The following ZNF605 variants were observed in gnomAD, a reference collection of about 807,000 sequenced individuals.
ZNF605 encodes the protein zinc finger protein 605.
In ZNF605, 9 loss-of-function variants were observed where a neutral mutation model predicts 7.9. The observed-to-expected ratio is 1.14, with a 90% CI of 0.68 to 1.98. ZNF605 has a LOEUF of 1.98. Ranked by LOEUF, ZNF605 falls within the 30% of genes most tolerant of loss-of-function variation. The probability of loss-of-function intolerance (pLI) is 0.00; values close to 1 mark genes in which losing one functional copy is unlikely to be tolerated. For missense variants in ZNF605, 673 were observed against 762.4 expected, an observed-to-expected ratio of 0.88 and a Z score of 1.38; for synonymous variants, 255 against 260.1, an observed-to-expected ratio of 0.98 and a Z score of 0.19.
intron 3 of ZNF605, among the ~76,000 whole-genome samples, chr12:132,942,796 A>C (rs1952456345): frequency 6.6e-6 from 1 of 152,106 alleles, no homozygotes. Flanking sequence ...ATTCACACAG[A>C]TTCTTCTGTC....
At chr12:132,938,842 T>C (rs1952396877) in intron 3 of ZNF605, among the ~76,000 whole-genome samples, 2 of 151,734 alleles carry the variant, frequency 1.3e-5, no homozygotes, top group African/African-American at 2.4e-5. Context: ...GGCGCCGCAC[T>C]CGGAGCAGCC....
At chr12:132,946,226 G>C (rs1444739015) in intron 2 of ZNF605, among the ~76,000 whole-genome samples, 1 of 139,142 alleles carries the variant, frequency 7.2e-6, no homozygotes, top group Non-Finnish European at 1.6e-5. Flanking sequence ...AAGTGCTACA[G>C]AGTAAAACAC....
chr12:132,921,142 A>C lies in ZNF605; in HGVS notation c.*4231T>G, dbSNP rs568748834. The stretch of plus-strand genomic sequence containing the variant: ...GCACCCAGCCTCTCATGGCTAATTA[A>C]ATTTTTTTTTTGTAGAGATGAGTCT... On this transcript the variant is annotated 3_prime_UTR_variant, in exon 5 of 5. Transcript: ENST00000360187. The C allele has an allele frequency of 1.4e-5, 2 of 145,548 alleles. No homozygotes were observed. The highest frequency in any genetic ancestry group is 3.9e-4 in the East Asian group (2 of 5,082). The allele number at this position is 145,548 out of a possible 1,614,324, so 9.0% of individuals were successfully genotyped here. A position where few individuals can be genotyped will look rare whatever the true frequency, so the allele number is the denominator to read the frequency against.
intron 1 of ZNF605, among the ~76,000 whole-genome samples, chr12:132,955,103 G>A (rs1312582014): frequency 7.2e-5 from 11 of 152,256 alleles, no homozygotes; most frequent in African/African-American, 2.6e-4. Context: ...TTGGAAGTGG[G>A]GAAAAAAAGA....
chr12:132,945,718 T>C lies in ZNF605; in HGVS notation c.-83A>G. 6.3e-7 allele frequency: 1 copy of C among 1,591,548 alleles called. No individual in the cohort carries two copies. Among genetic ancestry groups the C allele is most frequent in the Non-Finnish European group, 8.6e-7 (1 of 1,159,378 alleles). Reference sequence around the variant, plus strand: ...GGAGTGGCCTCTGGTCAGTGGTCTGTAAACTGAGAATACATCCTTGGTCTT... The same window carrying C: ...GGAGTGGCCTCTGGTCAGTGGTCTGCAAACTGAGAATACATCCTTGGTCTT... On this transcript the variant is annotated 5_prime_UTR_variant, in exon 3 of 5. Transcript: ENST00000360187.
chr12:132,920,375 G>C lies in ZNF605; in HGVS notation c.*4998C>G, dbSNP rs974389805. The C allele has an allele frequency of 1.3e-5, 2 of 151,936 alleles. No individual in the cohort carries two copies. Among genetic ancestry groups the C allele is most frequent in the Non-Finnish European group, 2.9e-5 (2 of 67,962 alleles). 9.4% of individuals were successfully genotyped at this position (151,936 alleles called of 1,614,324 possible). On this transcript the variant is annotated 3_prime_UTR_variant, in exon 5 of 5. Transcript: ENST00000360187. ...AGGATGGTCTCGATCTCCTGACCTCGTGATCCACCCGCCTTGGCCTCCCAA... is the reference window on the plus strand; with the variant it reads ...AGGATGGTCTCGATCTCCTGACCTCCTGATCCACCCGCCTTGGCCTCCCAA...
chr12:132,929,944 AAAAT>A (rs146974268), intron 4 of ZNF605, among the ~76,000 whole-genome samples: 1,563 of 152,348 alleles, frequency 0.01, 20 homozygotes, highest in Non-Finnish European at 0.017. Context: ...ACTCCGTCTC[AAAAT>A]AAATAAATAA....
In ZNF605 at chr12:132,919,851, T is replaced by C. The variant is rs1009929967; in HGVS notation, c.*5522A>G. On this transcript the variant is annotated 3_prime_UTR_variant, in exon 5 of 5. Coordinates refer to ENST00000360187, the MANE Select transcript of ZNF605 (RefSeq NM_183238.4). Reference sequence around the variant, plus strand: ...AAGTTTGGTGTTCCCTGTTTTTTTGTGTGTGTGTGTGATGGAGTCTTGCTC... The same window carrying C: ...AAGTTTGGTGTTCCCTGTTTTTTTGCGTGTGTGTGTGATGGAGTCTTGCTC... 2 of 150,342 alleles carry C rather than the reference T, an allele frequency of 1.3e-5. No homozygotes were observed. The highest frequency in any genetic ancestry group is 5.0e-5 in the African/African-American group (2 of 39,908). 9.3% of individuals were successfully genotyped at this position (150,342 alleles called of 1,614,324 possible). A position where few individuals can be genotyped will look rare whatever the true frequency, so the allele number is the denominator to read the frequency against.
chr12:132,932,968 C>A, intron 4 of ZNF605, 67 bp downstream of exon 4: 2 of 1,506,322 alleles, frequency 1.3e-6, no homozygotes, highest in Admixed American at 2.2e-5. Context: ...AACTTACATC[C>A]AAAATAAACA....
At chr12:132,954,295 C>A (rs1952607097) in intron 1 of ZNF605, among the ~76,000 whole-genome samples, 1 of 142,652 alleles carries the variant, frequency 7.0e-6, no homozygotes, top group Admixed American at 7.2e-5. Context: ...AACTCTGAGT[C>A]CCAAAGGATC....
Position 132,945,748 on chromosome 12 carries a change from G to T in ZNF605, c.-113C>A. The T allele has an allele frequency of 1.4e-6, 2 of 1,479,042 alleles. No homozygotes were observed. The highest frequency in any genetic ancestry group is 1.9e-6 in the Non-Finnish European group (2 of 1,057,760). The allele number at this position is 1,479,042 out of a possible 1,614,324, so 91.6% of individuals were successfully genotyped here. On this transcript the variant is annotated 5_prime_UTR_variant, in exon 3 of 5. Coordinates refer to ENST00000360187, the MANE Select transcript of ZNF605 (RefSeq NM_183238.4). ...TGAGAATACATCCTTGGTCTTGTGG[G>T]CTCTTCTTTCTTATCTCACATGAAT...
rs1952214593 is a variant in ZNF605 at position 132,922,560 on chromosome 12, AT to A, written c.*2812del. 1 of 152,258 alleles carries A rather than the reference AT, an allele frequency of 6.6e-6. No individual in the cohort carries two copies. Among genetic ancestry groups the A allele is most frequent in the Non-Finnish European group, 1.5e-5 (1 of 68,046 alleles). The allele number at this position is 152,258 out of a possible 1,614,324, so 9.4% of individuals were successfully genotyped here. On this transcript the variant is annotated 3_prime_UTR_variant, in exon 5 of 5. Coordinates refer to ENST00000360187, the MANE Select transcript of ZNF605 (RefSeq NM_183238.4). ...CTTGTACTGATAACTGATTATCACA[AT>A]TTTATTAAATGCTCATCATTTAACA...
In ZNF605 at chr12:132,941,013, G is replaced by A. The variant is rs1346385395; in HGVS notation, c.15+4608C>T. Among the ~76,000 whole-genome samples the A allele has an allele frequency of 8.5e-5, 13 of 152,090 alleles. No homozygotes were observed. The highest frequency in any genetic ancestry group is 4.1e-4 in the South Asian group (2 of 4,822). On this transcript the variant is annotated intron_variant, in intron 3 of 4. Transcript: ENST00000360187. This position sits in a 1 kb window ranked among gnomAD's most constrained non-coding sequence, Gnocchi z 5.1. ...GAACATTTGGTTTTCTGTTCCTGAG[G>A]ATGAGACATTTAGATAAAAATCAGT...
chr12:132,920,712 T>A lies in ZNF605; in HGVS notation c.*4661A>T, dbSNP rs1304089901. 6.6e-6 allele frequency: 1 copy of A among 152,184 alleles called. No homozygotes were observed. Among genetic ancestry groups the A allele is most frequent in the African/African-American group, 2.4e-5 (1 of 41,438 alleles). The allele number at this position is 152,184 out of a possible 1,614,324, so 9.4% of individuals were successfully genotyped here. The stretch of plus-strand genomic sequence containing the variant: ...AAGAGGCAAGGTTTCACTCTGTCAC[T>A]CAGGCTGGAATGCAGTGGCCCCATC... On this transcript the variant is annotated 3_prime_UTR_variant, in exon 5 of 5. Coordinates refer to ENST00000360187, the MANE Select transcript of ZNF605 (RefSeq NM_183238.4).
chr12:132,927,290 G>T, intron 4 of ZNF605, 128 bp from the exon 5 acceptor site: 3 of 560,382 alleles, frequency 5.4e-6, no homozygotes, highest in Admixed American at 3.9e-5. Flanking sequence ...TACTTATTGG[G>T]CATTGACAAT....
At position 132,924,958 on chromosome 12, in the gene ZNF605, G is replaced by C. The variant is rs1045866499; in HGVS notation, c.*415C>G. 1 of 159,510 alleles carries C rather than the reference G, an allele frequency of 6.3e-6. No individual in the cohort carries two copies. The highest frequency in any genetic ancestry group is 1.4e-5 in the Non-Finnish European group (1 of 73,358). The allele number at this position is 159,510 out of a possible 1,614,324, so 9.9% of individuals were successfully genotyped here. On this transcript the variant is annotated 3_prime_UTR_variant, in exon 5 of 5. Coordinates refer to ENST00000360187, the MANE Select transcript of ZNF605 (RefSeq NM_183238.4). ...TTTACATTATTGAGACTACTCTTCA[G>C]TATGAACCTCTGTAGGTATTATTCT...
chr12:132,951,020 AAC>A lies in ZNF605; in HGVS notation c.-285-2752_-285-2751del, dbSNP rs1374885150. 9.3e-4 allele frequency among the ~76,000 whole-genome samples: 141 copies of A among 151,106 alleles called. 2 individuals are homozygous for A. Among genetic ancestry groups the A allele is most frequent in the Non-Finnish European group, 5.9e-4 (40 of 67,716 alleles). On this transcript the variant is annotated intron_variant, in intron 1 of 4. Coordinates refer to ENST00000360187, the MANE Select transcript of ZNF605 (RefSeq NM_183238.4). ...CGCAGACATGTACAGACATACTGAT[AAC>A]ACGTACATCACAGACATGTACACAC...
intron 1 of ZNF605, among the ~76,000 whole-genome samples, chr12:132,953,445 T>C (rs1952594069): frequency 6.6e-6 from 1 of 152,158 alleles, no homozygotes; most frequent in Non-Finnish European, 1.5e-5. Context: ...TTATCTTTTT[T>C]AAGATGGAGT....
chr12:132,933,148 A>G lies in ZNF605; in HGVS notation c.23T>C (p.Phe8Ser), dbSNP rs1952323729. 1.2e-6 allele frequency: 2 copies of G among 1,606,798 alleles called. No individual in the cohort carries two copies. Among genetic ancestry groups the G allele is most frequent in the Non-Finnish European group, 1.7e-6 (2 of 1,176,176 alleles). ...CGTGAAATCCACAGCCACATCCTCA[A>G]ATGATATCTGGAAAAGCATAATCCC... is the stretch of plus-strand genomic sequence containing the variant. MIQSQIS[F>S]EDVAVDFTLE... The change falls in exon 4 of 5, where the codon TTT (phenylalanine) becomes TCT (serine). Residue 8 changes from phenylalanine (F) to serine (S), a missense_variant. Coordinates refer to ENST00000360187, the MANE Select transcript of ZNF605 (RefSeq NM_183238.4). The surrounding 1 kb of genome is among the most constrained non-coding windows in gnomAD (Gnocchi z 4.4).
Sources: gnomAD v4.1 joint callset for allele counts (sites outside exome capture counted in the v4.1 genomes callset) on GRCh38, gnomAD v4.1.1 for gene constraint, Gnocchi (gnomAD v3.1) non-coding constraint, MANE v1.5 for transcripts, NCBI Gene and HGNC (gene_info 2026-07-23, HGNC 2026-07-21) for gene names.